JAKMIP3: variants seen among roughly 807,000 people sequenced by gnomAD.
JAKMIP3 encodes the protein Janus kinase and microtubule interacting protein 3.
Under a neutral mutation model 118.5 loss-of-function variants are expected in JAKMIP3, and 58 were observed. The observed-to-expected ratio is 0.49, with a 90% CI of 0.40 to 0.61. JAKMIP3 has a LOEUF of 0.61. Ranked by LOEUF, JAKMIP3 falls within the 20% of genes least tolerant of loss-of-function variation. The probability of loss-of-function intolerance (pLI) is 0.00; values close to 1 mark genes in which losing one functional copy is unlikely to be tolerated. For synonymous variants in JAKMIP3, 486 were observed against 451.2 expected (o/e 1.08, Z -0.98); for missense variants, 950 against 1,109.0 (o/e 0.86, Z 2.04).
chr10:132,064,283 C>A (rs1015206659), upstream of JAKMIP3, among the ~76,000 whole-genome samples: 2 of 152,218 alleles, frequency 1.3e-5, no homozygotes, highest in African/African-American at 4.8e-5. The surrounding 1 kb of genome is among the most constrained non-coding windows in gnomAD (Gnocchi z 4.4). Flanking sequence ...GGACTAAAGT[C>A]AAATCTGTGC....
At chr10:132,041,709 A>G (rs1348667576) in intron 1 of JAKMIP3, among the ~76,000 whole-genome samples, 4 of 152,210 alleles carry the variant, frequency 2.6e-5, no homozygotes, top group Non-Finnish European at 4.4e-5. Flanking sequence ...TGAGCTGCTA[A>G]GAGAATTTCA....
intron 1 of JAKMIP3, among the ~76,000 whole-genome samples, chr10:132,086,599 A>T (rs936461816): frequency 3.3e-5 from 5 of 152,184 alleles, no homozygotes; most frequent in Non-Finnish European, 7.3e-5. Context: ...AAGGCCTTTT[A>T]TCATTATATA....
At chr10:132,131,668 C>T (rs1477584247) in intron 3 of JAKMIP3, among the ~76,000 whole-genome samples, 1 of 151,262 alleles carries the variant, frequency 6.6e-6, no homozygotes, top group Non-Finnish European at 1.5e-5. Flanking sequence ...TAGCATTCGT[C>T]CCAGTGGAAG....
chr10:132,121,489 C>T (rs1338658839), intron 3 of JAKMIP3, among the ~76,000 whole-genome samples: 2 of 152,328 alleles, frequency 1.3e-5, no homozygotes, highest in Non-Finnish European at 2.9e-5. Flanking sequence ...TCGGCCTCAC[C>T]GGGCCCTGGG....
chr10:132,104,517 T>C (rs112702925), intron 1 of JAKMIP3, among the ~76,000 whole-genome samples, 155 bp from the exon 2 acceptor site: 4,616 of 152,268 alleles, frequency 0.03, 107 homozygotes, highest in South Asian at 0.13. Flanking sequence ...CTCTGAGGTC[T>C]GGGGCTGGTT....
At chr10:132,115,836 C>A (rs2047558847) in intron 2 of JAKMIP3, among the ~76,000 whole-genome samples, 1 of 152,232 alleles carries the variant, frequency 6.6e-6, no homozygotes, top group African/African-American at 2.4e-5. Context: ...TTGGAGCAGC[C>A]CTGAGGGCTC....
intron 23 of JAKMIP3, among the ~76,000 whole-genome samples, chr10:132,171,226 C>T (rs1157730374): frequency 6.6e-6 from 1 of 152,210 alleles, no homozygotes; most frequent in African/African-American, 2.4e-5. Context: ...CCTCTCCCAC[C>T]GCGTCTGCTC....
At chr10:132,155,223 G>T (rs951460362) in intron 19 of JAKMIP3, among the ~76,000 whole-genome samples, 3 of 150,402 alleles carry the variant, frequency 2.0e-5, no homozygotes, top group African/African-American at 4.9e-5. Flanking sequence ...AATGATGATG[G>T]TGATGATGGT....
Position 132,117,213 on chromosome 10 carries a change from G to C in JAKMIP3, c.272G>C (p.Arg91Pro). 2.5e-6 allele frequency: 4 copies of C among 1,614,008 alleles called. No individual in the cohort carries two copies. The highest frequency in any genetic ancestry group is 3.4e-6 in the Non-Finnish European group (4 of 1,179,908). The change falls in exon 3 of 24, where the codon CGT (arginine) becomes CCT (proline). Residue 91 changes from arginine (R) to proline (P), a missense_variant. Arg to Pro is a moderately radical substitution (Grantham distance 103). Coordinates refer to ENST00000684848, the MANE Select transcript of JAKMIP3 (RefSeq NM_001323087.2). The surrounding 1 kb of genome is among the most constrained non-coding windows in gnomAD (Gnocchi z 8.6). ...EEKMKELQAV[R>P]ETLLRQHEAE... ...AAGATGAAGGAGCTACAGGCTGTGC[G>C]TGAGACGCTGCTGCGGCAGCATGAG...
chr10:132,182,229 T>C (rs1371315646), intron 23 of JAKMIP3, 128 bp from the exon 24 acceptor site: 3 of 152,340 alleles, frequency 2.0e-5, no homozygotes, highest in Non-Finnish European at 2.9e-5. Flanking sequence ...TGCCATTGGC[T>C]CAGTGACCAT....
chr10:132,099,518 A>G (rs1051352382), intron 1 of JAKMIP3, among the ~76,000 whole-genome samples: 13 of 152,284 alleles, frequency 8.5e-5, no homozygotes, highest in Middle Eastern at 6.8e-3. Flanking sequence ...CGCGAAGCCC[A>G]CTGGGGAACC....
chr10:132,146,585 C>T (rs903263936), intron 13 of JAKMIP3, among the ~76,000 whole-genome samples: 2 of 152,170 alleles, frequency 1.3e-5, no homozygotes, highest in Admixed American at 1.3e-4. Context: ...GAGGAGGCAG[C>T]GATGTCTCAC....
chr10:132,176,845 C>T (rs921497306), intron 23 of JAKMIP3, among the ~76,000 whole-genome samples: 6 of 151,930 alleles, frequency 3.9e-5, no homozygotes, highest in Non-Finnish European at 5.9e-5. Flanking sequence ...GTGGAGTCTC[C>T]GGATGCGCTG....
chr10:132,072,152 G>A (rs956749778), intron 1 of JAKMIP3, among the ~76,000 whole-genome samples: 7 of 151,844 alleles, frequency 4.6e-5, no homozygotes, highest in South Asian at 2.1e-4. Flanking sequence ...GGGTTCCGCC[G>A]GCCTCAGCCT....
chr10:132,114,687 G>T (rs2047359125), intron 2 of JAKMIP3, among the ~76,000 whole-genome samples: 1 of 152,148 alleles, frequency 6.6e-6, no homozygotes, highest in Admixed American at 6.5e-5. Flanking sequence ...GATCAATTTG[G>T]GGAAAATAAA....
At chr10:132,127,129 TTA>T (rs1355062127) in intron 3 of JAKMIP3, among the ~76,000 whole-genome samples, 2 of 152,172 alleles carry the variant, frequency 1.3e-5, no homozygotes, top group East Asian at 3.8e-4. Flanking sequence ...AGTTCAGATT[TTA>T]TGTTTATTTT....
At chr10:132,058,399 G>A (rs926834983) in intron 1 of JAKMIP3, among the ~76,000 whole-genome samples, 4 of 152,174 alleles carry the variant, frequency 2.6e-5, no homozygotes, top group Admixed American at 6.5e-5. Context: ...GCAGGGTGAC[G>A]GCCTCCATCG....
At chr10:132,164,291 C>T (rs1239878875) in intron 20 of JAKMIP3, among the ~76,000 whole-genome samples, 1 of 152,206 alleles carries the variant, frequency 6.6e-6, no homozygotes, top group Non-Finnish European at 1.5e-5. Context: ...CCAGCATCCC[C>T]CTCACCGGGA....
At chr10:132,129,725 T>C (rs2050221106) in intron 3 of JAKMIP3, among the ~76,000 whole-genome samples, 1 of 152,196 alleles carries the variant, frequency 6.6e-6, no homozygotes, top group Non-Finnish European at 1.5e-5. Flanking sequence ...TCCGGGGCCC[T>C]GTGCTGACAG....
Sources: gnomAD v4.1 joint callset for allele counts (sites outside exome capture counted in the v4.1 genomes callset) on GRCh38, gnomAD v4.1.1 for gene constraint, Gnocchi (gnomAD v3.1) non-coding constraint, MANE v1.5 for transcripts, NCBI Gene and HGNC (gene_info 2026-07-23, HGNC 2026-07-21) for gene names.